The following EAPP variants were observed in gnomAD, a reference collection of about 807,000 sequenced individuals.
EAPP encodes E2F associated phosphoprotein.
In EAPP, 38 loss-of-function variants were observed where a neutral mutation model predicts 34.3. The observed-to-expected ratio is 1.11, with a 90% CI of 0.85 to 1.45. The LOEUF is 1.45. Ranked by LOEUF, EAPP falls within the 40% of genes most tolerant of loss-of-function variation. The pLI is 0.00. For missense variants in EAPP, 338 were observed against 343.7 expected (o/e 0.98, Z 0.13); for synonymous variants, 113 against 117.6 (o/e 0.96, Z 0.25).
intron 5 of EAPP, among the ~76,000 whole-genome samples, chr14:34,523,989 C>T (rs981325975): frequency 6.6e-6 from 1 of 152,204 alleles, no homozygotes; most frequent in African/African-American, 2.4e-5. Flanking sequence ...GGCACAGTGG[C>T]TCACGCATGT....
intron 5 of EAPP, among the ~76,000 whole-genome samples, chr14:34,523,644 C>G (rs916315749): frequency 6.6e-6 from 1 of 151,614 alleles, no homozygotes; most frequent in Non-Finnish European, 1.5e-5. Context: ...TCAAGCCATC[C>G]TCTCACCTCA....
At chr14:34,525,698 G>A (rs2138892054) in intron 4 of EAPP, among the ~76,000 whole-genome samples, 1 of 152,222 alleles carries the variant, frequency 6.6e-6, no homozygotes, top group Non-Finnish European at 1.5e-5. Flanking sequence ...CTAAGGAAAT[G>A]TTTTAAAATT....
chr14:34,533,463 G>A lies in EAPP; in HGVS notation c.333C>T (p.Ser111=), dbSNP rs190725413. The A allele has an allele frequency of 2.1e-4, 340 of 1,611,136 alleles. No homozygotes were observed. Among genetic ancestry groups the A allele is most frequent in the African/African-American group, 1.7e-3 (124 of 74,782 alleles). Residue 111 remains serine, a synonymous_variant, in exon 3 of 6, where the codon TCC becomes TCT. Transcript: ENST00000250454. ...YYDDIYFDSD[S]EDEDRAVQVT... is the part of the protein sequence containing the mutation. Reference sequence around the variant, plus strand: ...ACTTACCTGCTCTGTCTTCATCCTCGGAATCAGAATCAAAATATATATCAT... The same window carrying A: ...ACTTACCTGCTCTGTCTTCATCCTCAGAATCAGAATCAAAATATATATCAT...
At chr14:34,538,682 C>A (rs2138228617) in intron 1 of EAPP, among the ~76,000 whole-genome samples, 1 of 152,068 alleles carries the variant, frequency 6.6e-6, no homozygotes, top group East Asian at 1.9e-4. Flanking sequence ...CTCCCAAAGT[C>A]CTGGGATTAC....
chr14:34,524,564 C>T (rs1275205159), intron 5 of EAPP, 133 bp downstream of exon 5: 4 of 661,772 alleles, frequency 6.0e-6, no homozygotes, highest in South Asian at 1.9e-5. Context: ...TGCAGTGAGG[C>T]GAGATTGTGC....
At chr14:34,524,665 G>GTGTGTGTGTC in intron 5 of EAPP, 32 bp downstream of exon 5, 2 of 1,057,412 alleles carry the variant, frequency 1.9e-6, no homozygotes, top group Non-Finnish European at 1.5e-6. Context: ...GTATGTGTGT[G>GTGTGTGTGTC]TGTGTGTGTG....
intron 5 of EAPP, among the ~76,000 whole-genome samples, chr14:34,523,832 C>T (rs538221404): frequency 2.6e-5 from 4 of 152,006 alleles, no homozygotes; most frequent in Non-Finnish European, 5.9e-5. Context: ...AGTCACTGTG[C>T]CCAACTTTAA....
At chr14:34,531,331 G>A (rs750500390) in intron 3 of EAPP, among the ~76,000 whole-genome samples, 3 of 151,522 alleles carry the variant, frequency 2.0e-5, no homozygotes, top group Non-Finnish European at 4.4e-5. Flanking sequence ...GGCTGGGCGC[G>A]GTGGCTCATG....
chr14:34,538,015 T>C (rs780319833), intron 1 of EAPP, among the ~76,000 whole-genome samples: 2 of 152,214 alleles, frequency 1.3e-5, no homozygotes, highest in Non-Finnish European at 2.9e-5. Flanking sequence ...GTTTTGTTTT[T>C]ATAATATTTA....
chr14:34,523,239 C>CT (rs71453625), intron 5 of EAPP, among the ~76,000 whole-genome samples: 50,319 of 137,298 alleles, frequency 0.37, 10,760 homozygotes, highest in East Asian at 0.67. Context: ...GAAAAGATAC[C>CT]TTTTTTTTTT....
At chr14:34,528,159 CAG>C (rs1349620648) in intron 4 of EAPP, among the ~76,000 whole-genome samples, 2 of 150,740 alleles carry the variant, frequency 1.3e-5, no homozygotes, top group East Asian at 4.0e-4. Flanking sequence ...CTTGTGCCTC[CAG>C]AGTAGCTGTG....
At chr14:34,531,994 T>A (rs1226261775) in intron 3 of EAPP, among the ~76,000 whole-genome samples, 2 of 148,518 alleles carry the variant, frequency 1.3e-5, no homozygotes, top group Non-Finnish European at 3.0e-5. Flanking sequence ...GAGGATGGCG[T>A]GAACCCAGGA....
intron 2 of EAPP, among the ~76,000 whole-genome samples, chr14:34,534,615 CTTTT>C (rs201786286): frequency 6.7e-6 from 1 of 149,148 alleles, no homozygotes. Flanking sequence ...GTTTGTGTGT[CTTTT>C]TTTTTTAACT....
chr14:34,524,114 G>A lies in EAPP; in HGVS notation c.581+583C>T, dbSNP rs142578769. Reference sequence around the variant, plus strand: ...CTACTAAAAATATAAAAATAAGGCCGGGCGTGGTAGCTCACAGCTGTAATC... The same window carrying A: ...CTACTAAAAATATAAAAATAAGGCCAGGCGTGGTAGCTCACAGCTGTAATC... On this transcript the variant is annotated intron_variant, in intron 5 of 5. Transcript: ENST00000250454. Among the ~76,000 whole-genome samples the A allele has an allele frequency of 8.6e-3, 1,311 of 152,142 alleles. 15 individuals are homozygous for A. Among genetic ancestry groups the A allele is most frequent in the African/African-American group, 0.03 (1,242 of 41,530 alleles).
chr14:34,518,266 G>C (rs1219701047), intron 5 of EAPP, among the ~76,000 whole-genome samples: 1 of 148,342 alleles, frequency 6.7e-6, no homozygotes, highest in Non-Finnish European at 1.5e-5. Flanking sequence ...GTGGAGTGTT[G>C]AAGTCCCCTA....
chr14:34,538,848 G>A (rs767014659), intron 1 of EAPP, among the ~76,000 whole-genome samples: 2 of 152,168 alleles, frequency 1.3e-5, no homozygotes, highest in African/African-American at 4.8e-5. Context: ...CGGCAAAACA[G>A]CTTCAAGTTT....
At chr14:34,518,631 C>G (rs1879816752) in intron 5 of EAPP, among the ~76,000 whole-genome samples, 1 of 151,948 alleles carries the variant, frequency 6.6e-6, no homozygotes, top group African/African-American at 2.4e-5. Flanking sequence ...GCGCCCAGCC[C>G]CTTTGGATCT....
intron 3 of EAPP, among the ~76,000 whole-genome samples, chr14:34,530,109 A>G (rs1415927830): frequency 6.6e-6 from 1 of 152,076 alleles, no homozygotes; most frequent in Non-Finnish European, 1.5e-5. Context: ...CTGAGGCAGG[A>G]GAATCACTTG....
chr14:34,537,786 C>T (rs1880524314), intron 1 of EAPP, among the ~76,000 whole-genome samples: 1 of 152,222 alleles, frequency 6.6e-6, no homozygotes, highest in South Asian at 2.1e-4. Flanking sequence ...AAACATGATG[C>T]TCATGCTGCT....
Sources: allele counts gnomAD v4.1 joint callset (sites outside exome capture counted in the v4.1 genomes callset), GRCh38; gene constraint gnomAD v4.1.1; transcripts MANE v1.5; gene names NCBI Gene and HGNC (gene_info 2026-07-23, HGNC 2026-07-21).